The following FAM169A variants were observed in gnomAD, a reference collection of about 807,000 sequenced individuals.
The protein encoded by FAM169A is soluble lamin-associated protein of 75 kDa.
A neutral mutation model predicts 75.7 loss-of-function variants in FAM169A; 24 were observed. The ratio of observed to expected loss-of-function variants is 0.32; its 90% CI spans 0.23 to 0.45. The LOEUF is 0.45. Ranked by LOEUF, FAM169A falls within the 20% of genes least tolerant of loss-of-function variation. The probability of loss-of-function intolerance (pLI) is 1.00; values close to 1 mark genes in which losing one functional copy is unlikely to be tolerated. For synonymous variants in FAM169A, 271 were observed against 271.0 expected, an observed-to-expected ratio of 1.00 and a Z score of 0.00; for missense variants, 673 against 784.0, an observed-to-expected ratio of 0.86 and a Z score of 1.69.
At chr5:74,814,914 C>T (rs1450510041) in intron 5 of FAM169A, among the ~76,000 whole-genome samples, 1 of 152,074 alleles carries the variant, frequency 6.6e-6, no homozygotes, top group African/African-American at 2.4e-5. Flanking sequence ...ATCTTTTATT[C>T]TCAGATTATT....
intron 1 of FAM169A, among the ~76,000 whole-genome samples, chr5:74,845,208 G>A (rs554969418): frequency 6.6e-6 from 1 of 152,204 alleles, no homozygotes; most frequent in African/African-American, 2.4e-5. Flanking sequence ...TGAAAGTTAA[G>A]TCCTAAGGAC....
intron 1 of FAM169A, among the ~76,000 whole-genome samples, chr5:74,847,766 G>C (rs1462537224): frequency 9.2e-5 from 14 of 152,114 alleles, no homozygotes; most frequent in African/African-American, 2.9e-4. Flanking sequence ...ACAGAAATTA[G>C]TGATTCTTCA....
chr5:74,859,226 A>G (rs533340939), intron 1 of FAM169A, among the ~76,000 whole-genome samples: 1 of 150,932 alleles, frequency 6.6e-6, no homozygotes, highest in Non-Finnish European at 1.5e-5. Flanking sequence ...AAAAAGAAAA[A>G]CCAAAAAACA....
chr5:74,813,474 G>C (rs985075757), intron 6 of FAM169A, among the ~76,000 whole-genome samples: 1 of 151,862 alleles, frequency 6.6e-6, no homozygotes, highest in Admixed American at 6.6e-5. Flanking sequence ...TCACAGGCAC[G>C]TGCCACCACG....
At chr5:74,797,096 C>G (rs1746317302) in intron 10 of FAM169A, among the ~76,000 whole-genome samples, 1 of 152,128 alleles carries the variant, frequency 6.6e-6, no homozygotes, top group Admixed American at 6.5e-5. Flanking sequence ...CCTGTGATAG[C>G]CCAGCTCAGA....
At chr5:74,799,493 G>C in intron 10 of FAM169A, 5 of 1,594,242 alleles carry the variant, frequency 3.1e-6, no homozygotes, top group East Asian at 2.2e-5. Context: ...TTCAAACACA[G>C]AGTGTTTTCT....
At chr5:74,866,533 G>A, upstream of FAM169A, 1 of 552,418 alleles carries the variant, frequency 1.8e-6, no homozygotes, top group Non-Finnish European at 2.3e-6. Flanking sequence ...GCGCCGGCCC[G>A]GCAGGTGCGG....
In FAM169A at chr5:74,849,080, G is replaced by A. The variant is rs191088095; in HGVS notation, c.-3-7401C>T. Among the ~76,000 whole-genome samples, 215 of 152,260 alleles carry A rather than the reference G, an allele frequency of 1.4e-3. 1 individual carries two copies. Among genetic ancestry groups the A allele is most frequent in the Middle Eastern group, 3.4e-3 (1 of 294 alleles). On this transcript the variant is annotated intron_variant, in intron 1 of 12. Transcript: ENST00000687041. The stretch of plus-strand genomic sequence containing the variant: ...GAATGGACAGCGAAGTGTAAAAAGT[G>A]TCCAAACTAATTTACAAATTAAGCG...
At chr5:74,859,488 C>A (rs1749923634) in intron 1 of FAM169A, among the ~76,000 whole-genome samples, 1 of 151,812 alleles carries the variant, frequency 6.6e-6, no homozygotes, top group Non-Finnish European at 1.5e-5. Flanking sequence ...CGGGATTTCA[C>A]CATGTTGGTC....
intron 5 of FAM169A, among the ~76,000 whole-genome samples, chr5:74,832,480 A>T (rs533488190): frequency 7.9e-5 from 12 of 151,786 alleles, no homozygotes; most frequent in Non-Finnish European, 1.5e-4. Context: ...AAAAATCATA[A>T]ATAATAAATG....
At chr5:74,785,770 C>T (rs1745664682) in intron 11 of FAM169A, among the ~76,000 whole-genome samples, 1 of 152,174 alleles carries the variant, frequency 6.6e-6, no homozygotes, top group Non-Finnish European at 1.5e-5. Flanking sequence ...AACACACACA[C>T]ACGTATGTAT....
intron 1 of FAM169A, among the ~76,000 whole-genome samples, chr5:74,844,610 G>A (rs747379592): frequency 4.6e-5 from 7 of 152,124 alleles, no homozygotes; most frequent in Non-Finnish European, 1.0e-4. Flanking sequence ...ACAAGGTCAG[G>A]AGATGGAGAC....
chr5:74,848,539 C>T (rs1008746562), intron 1 of FAM169A: 1 of 152,044 alleles, frequency 6.6e-6, no homozygotes, highest in Non-Finnish European at 1.5e-5. Context: ...ACATATTACA[C>T]GAGAAAGAGC....
rs781610478 is a variant in FAM169A at position 74,783,127 on chromosome 5, T to A, written c.1268A>T (p.Glu423Val). ...QEKQDGEKES[E>V]LEPMNGEIMD... ...TATCTCACCATTCATAGGCTCTAAT[T>A]CAGATTCCTACACCATGAGGAGAGA... is the stretch of plus-strand genomic sequence containing the variant. The change falls in exon 12 of 13, where the codon GAA becomes GTA. Residue 423 changes from glutamate to valine, a missense_variant. Physicochemically the swap from Glu to Val is moderately radical, Grantham distance 121 (BLOSUM62 -2). This residue lies in a region of FAM169A where 510 missense variants were observed against 550.9 expected (regional missense o/e 0.93). Coordinates refer to ENST00000687041, the MANE Select transcript of FAM169A (RefSeq NM_001376049.1). 1.2e-6 allele frequency: 2 copies of A among 1,610,556 alleles called. No individual in the cohort carries two copies. Among genetic ancestry groups the A allele is most frequent in the East Asian group, 4.5e-5 (2 of 44,868 alleles).
chr5:74,804,446 C>G (rs893249042), intron 8 of FAM169A, 47 bp downstream of exon 8: 2 of 987,368 alleles, frequency 2.0e-6, no homozygotes, highest in Non-Finnish European at 2.9e-6. Context: ...TTTTTAAAAA[C>G]ACAAAAATTT....
intron 5 of FAM169A, among the ~76,000 whole-genome samples, chr5:74,821,294 A>C (rs1396925319): frequency 6.6e-6 from 1 of 152,182 alleles, no homozygotes; most frequent in African/African-American, 2.4e-5. Context: ...CTTTTTAATA[A>C]ATGAATAAAT....
chr5:74,795,553 A>G (rs1746226886), intron 11 of FAM169A, among the ~76,000 whole-genome samples: 1 of 152,176 alleles, frequency 6.6e-6, no homozygotes, highest in Non-Finnish European at 1.5e-5. Context: ...AAAAACATGA[A>G]TTTAGTTATT....
intron 5 of FAM169A, among the ~76,000 whole-genome samples, chr5:74,819,768 A>T (rs1747676176): frequency 1.3e-5 from 2 of 152,192 alleles, no homozygotes; most frequent in Admixed American, 6.5e-5. Context: ...AATAAAACTT[A>T]AAAATGTTAT....
At chr5:74,816,476 T>TTAAA (rs1747477975) in intron 5 of FAM169A, among the ~76,000 whole-genome samples, 1 of 152,174 alleles carries the variant, frequency 6.6e-6, no homozygotes, top group African/African-American at 2.4e-5. Flanking sequence ...AAGCAGTGTG[T>TTAAA]TCACAACATT....
Sources: allele counts gnomAD v4.1 joint callset (sites outside exome capture counted in the v4.1 genomes callset), GRCh38; gene constraint gnomAD v4.1.1; regional missense constraint gnomAD v4.1.1; transcripts MANE v1.5; gene names NCBI Gene and HGNC (gene_info 2026-07-23, HGNC 2026-07-21).